PIAS2: variants seen among roughly 807,000 people sequenced by gnomAD.
PIAS2 encodes protein inhibitor of activated STAT 2.
Under a neutral mutation model 69.7 loss-of-function variants are expected in PIAS2, and 19 were observed. That is an observed-to-expected ratio of 0.27 (90% CI 0.19 to 0.40). The LOEUF (loss-of-function observed/expected upper bound fraction) is 0.40, where lower values mean the gene tolerates loss of function less well. PIAS2 is among the 10% of genes least tolerant of loss of function. The probability of loss-of-function intolerance (pLI) is 1.00; values close to 1 mark genes in which losing one functional copy is unlikely to be tolerated. For missense variants in PIAS2, 624 were observed against 757.0 expected (o/e 0.82, Z 2.06); for synonymous variants, 261 against 263.2 (o/e 0.99, Z 0.08).
chr18:46,907,403 G>GACAAGGAT (rs1365705376), intron 1 of PIAS2: 1 of 152,082 alleles, frequency 6.6e-6, no homozygotes, highest in East Asian at 1.9e-4. Context: ...TAAAAGGGTA[G>GACAAGGAT]ACAAGGATAT....
chr18:46,839,863 C>CA (rs58855520), intron 8 of PIAS2, among the ~76,000 whole-genome samples: 2,821 of 70,574 alleles, frequency 0.04, 36 homozygotes, highest in East Asian at 0.071. Flanking sequence ...AAAACTCTGT[C>CA]AAAAAAAAAA....
chr18:46,890,897 T>C lies in PIAS2; in HGVS notation c.182A>G (p.Tyr61Cys), dbSNP rs201016046. The C allele has an allele frequency of 8.1e-6, 13 of 1,614,196 alleles. No individual in the cohort carries two copies. Among genetic ancestry groups the C allele is most frequent in the Non-Finnish European group, 1.0e-5 (12 of 1,180,038 alleles). Residue 61 changes from tyrosine (Y) to cysteine (C), a missense_variant, in exon 2 of 14, where the codon TAT becomes TGT. Transcript: ENST00000585916. Reference sequence around the variant, plus strand: ...AAGAGTTCGTGGATATCGGCGTCTATACAATTCTCGGATTTTAATCTGAAC... The same window carrying C: ...AAGAGTTCGTGGATATCGGCGTCTACACAATTCTCGGATTTTAATCTGAAC... Reference protein sequence around the residue: ...PAVQIKIRELYRRRYPRTLEG... With the variant: ...PAVQIKIRELCRRRYPRTLEG...
At chr18:46,818,384 T>C (rs779624625) in intron 12 of PIAS2, 14 of 1,577,906 alleles carry the variant, frequency 8.9e-6, no homozygotes, top group Non-Finnish European at 1.1e-5. Flanking sequence ...TATTCACTGT[T>C]GCACAGTATC....
intron 1 of PIAS2, among the ~76,000 whole-genome samples, chr18:46,895,392 C>A (rs575736987): frequency 4.3e-4 from 66 of 151,988 alleles, no homozygotes; most frequent in African/African-American, 1.5e-3. Context: ...TACCTCAGGA[C>A]GGACACGGTG....
chr18:46,807,379 ATATATT>A lies in PIAS2; in HGVS notation c.*5048_*5053del, dbSNP rs2040751675. On this transcript the variant is annotated 3_prime_UTR_variant, in exon 14 of 14. Transcript: ENST00000585916. Reference sequence around the variant, plus strand: ...TTTATATATATATATATATATATATATATATTTTTTTTTTTTTTTTTTTTTTTTTTT... The same window carrying A: ...TTTATATATATATATATATATATATATTTTTTTTTTTTTTTTTTTTTTTTT... 3.9e-5 allele frequency: 1 copy of A among 25,598 alleles called. No individual in the cohort carries two copies. The highest frequency in any genetic ancestry group is 7.3e-4 in the East Asian group (1 of 1,364). The allele number at this position is 25,598 out of a possible 1,614,324, so 1.6% of individuals were successfully genotyped here. A position where few individuals can be genotyped will look rare whatever the true frequency, so the allele number is the denominator to read the frequency against.
At position 46,917,389 on chromosome 18, in the gene PIAS2, C is replaced by G. The variant is rs1443267280; in HGVS notation, c.-44G>C. 6.9e-7 allele frequency: 1 copy of G among 1,441,432 alleles called. No individual in the cohort carries two copies. The highest frequency in any genetic ancestry group is 2.6e-5 in the Admixed American group (1 of 38,260). 89.3% of individuals were successfully genotyped at this position (1,441,432 alleles called of 1,614,324 possible). A position where few individuals can be genotyped will look rare whatever the true frequency, so the allele number is the denominator to read the frequency against. On this transcript the variant is annotated 5_prime_UTR_variant, in exon 1 of 14. Transcript: ENST00000585916. ...GCCGCCGCCGCTGCCGCCGCACCCA[C>G]TCCCGCTGCCGCCAACGACGCTGCC...
intron 1 of PIAS2, among the ~76,000 whole-genome samples, chr18:46,904,409 C>T (rs2051292): frequency 6.6e-6 from 1 of 151,916 alleles, no homozygotes; most frequent in African/African-American, 2.4e-5. Flanking sequence ...AAAAATGTAA[C>T]GGTGAGGAGA....
At chr18:46,840,572 A>C (rs965736988) in intron 8 of PIAS2, among the ~76,000 whole-genome samples, 2 of 152,176 alleles carry the variant, frequency 1.3e-5, no homozygotes, top group African/African-American at 2.4e-5. Flanking sequence ...CACAGCATAC[A>C]GAAACGAGAA....
intron 3 of PIAS2, among the ~76,000 whole-genome samples, chr18:46,862,718 C>A (rs1427927247): frequency 6.6e-6 from 1 of 151,532 alleles, no homozygotes; most frequent in Non-Finnish European, 1.5e-5. Flanking sequence ...TGTATATATT[C>A]TTTTGAGATA....
intron 12 of PIAS2, among the ~76,000 whole-genome samples, chr18:46,818,783 G>A (rs1429828970): frequency 2.6e-5 from 4 of 152,002 alleles, no homozygotes; most frequent in African/African-American, 9.7e-5. Flanking sequence ...GTTATCAACT[G>A]GTAAGAAAGC....
chr18:46,849,672 T>A (rs1235405693), intron 5 of PIAS2, among the ~76,000 whole-genome samples: 1 of 152,216 alleles, frequency 6.6e-6, no homozygotes, highest in Non-Finnish European at 1.5e-5. Context: ...TCCTCCAAAT[T>A]TTCTAATTAC....
chr18:46,851,858 A>C (rs771592099), intron 5 of PIAS2, among the ~76,000 whole-genome samples: 1 of 152,204 alleles, frequency 6.6e-6, no homozygotes, highest in Non-Finnish European at 1.5e-5. Context: ...GATCATACAC[A>C]TAAGGACTTC....
intron 11 of PIAS2, 62 bp from the exon 12 acceptor site, chr18:46,821,134 C>T: frequency 6.4e-7 from 1 of 1,555,544 alleles, no homozygotes; most frequent in Non-Finnish European, 8.8e-7. Flanking sequence ...GAGAGAAGAG[C>T]TGCACCACTG....
At chr18:46,857,021 G>A (rs1336773106) in intron 3 of PIAS2, among the ~76,000 whole-genome samples, 1 of 152,200 alleles carries the variant, frequency 6.6e-6, no homozygotes, top group Non-Finnish European at 1.5e-5. Flanking sequence ...TCATCAAGTT[G>A]CTGTGACAAT....
At chr18:46,863,604 T>C (rs2048989764) in intron 3 of PIAS2, among the ~76,000 whole-genome samples, 1 of 152,174 alleles carries the variant, frequency 6.6e-6, no homozygotes, top group Admixed American at 6.5e-5. Flanking sequence ...GGAATAAATT[T>C]TTCATTTAAA....
At chr18:46,850,451 G>A (rs1273458129) in intron 5 of PIAS2, among the ~76,000 whole-genome samples, 3 of 151,924 alleles carry the variant, frequency 2.0e-5, no homozygotes, top group Non-Finnish European at 4.4e-5. Context: ...GAATGACTTC[G>A]CATTCTAGAT....
At chr18:46,882,301 A>AT (rs1231477337) in intron 2 of PIAS2, among the ~76,000 whole-genome samples, 2 of 152,274 alleles carry the variant, frequency 1.3e-5, no homozygotes, top group East Asian at 3.9e-4. Context: ...GAATTTAAGG[A>AT]TAAAAAGAGA....
upstream of PIAS2, among the ~76,000 whole-genome samples, chr18:46,919,168 T>G (rs2058362897): frequency 1.3e-5 from 2 of 151,526 alleles, no homozygotes; most frequent in East Asian, 3.9e-4. Context: ...CAGGCCAACA[T>G]GGTGAAACCC....
rs764043468 is a variant in PIAS2 at position 46,812,575 on chromosome 18, G to A, written c.1724C>T (p.Pro575Leu). The A allele has an allele frequency of 6.2e-7, 1 of 1,613,320 alleles. No individual in the cohort carries two copies. The highest frequency in any genetic ancestry group is 1.1e-5 in the South Asian group (1 of 91,044). The change falls in exon 14 of 14, where the codon CCC becomes CTC. Residue 575 changes from proline to leucine, a missense_variant. By Grantham distance (98) the Pro-to-Leu change is moderately conservative. Around this residue, in one of 3 missense-constraint regions of PIAS2, gnomAD observed 241 missense variants for 257.3 expected, o/e 0.94. Coordinates refer to ENST00000585916, the MANE Select transcript of PIAS2 (RefSeq NM_004671.5). The stretch of plus-strand genomic sequence containing the variant: ...GACAGACGTACTGCTTGCTGTTAAG[G>A]GTGAGGTGAGACTATCCAAAAACAT... ...PPMFLDSLTS[P>L]LTASSTSVTT...
Sources: allele counts gnomAD v4.1 joint callset (sites outside exome capture counted in the v4.1 genomes callset), GRCh38; gene constraint gnomAD v4.1.1; regional missense constraint gnomAD v4.1.1; transcripts MANE v1.5; gene names NCBI Gene and HGNC (gene_info 2026-07-23, HGNC 2026-07-21).